EHD1: variants seen among roughly 807,000 people sequenced by gnomAD.
The protein encoded by EHD1 is EH domain-containing protein 1.
In EHD1, 19 loss-of-function variants were observed where a neutral mutation model predicts 39.0. The ratio of observed to expected loss-of-function variants is 0.49; its 90% confidence interval spans 0.34 to 0.72. The LOEUF (loss-of-function observed/expected upper bound fraction) is 0.72. Among genes scored for constraint, EHD1 ranks in the 30% least tolerant of loss-of-function variants. The pLI is 0.01. For synonymous variants in EHD1, 323 were observed against 331.2 expected, an observed-to-expected ratio of 0.98 and a Z score of 0.27; for missense variants, 542 against 751.5, an observed-to-expected ratio of 0.72 and a Z score of 3.26.
intron 2 of EHD1, among the ~76,000 whole-genome samples, chr11:64,867,808 G>T (rs994747635): frequency 6.6e-6 from 1 of 152,238 alleles, no homozygotes; most frequent in African/African-American, 2.4e-5. Flanking sequence ...AAGTGAAAAC[G>T]AAAAGTCCTG....
chr11:64,878,672 G>C, upstream of EHD1: 2 of 1,359,116 alleles, frequency 1.5e-6, no homozygotes, highest in Non-Finnish European at 1.9e-6. Context: ...CCTCAGTGGC[G>C]GCTAGCGCCG....
In EHD1 at chr11:64,878,173, T is replaced by C; in HGVS notation, c.292A>G (p.Ile98Val). The C allele has an allele frequency of 6.2e-7, 1 of 1,606,568 alleles. No homozygotes were observed. The highest frequency in any genetic ancestry group is 8.5e-7 in the Non-Finnish European group (1 of 1,174,054). The stretch of plus-strand genomic sequence containing the variant: ...TCAGTGGGGCCGTGCATGACGGCGA[T>C]GAAGGAGTCGGTGGTGGGCTCGGGC... ...IGPEPTTDSF[I>V]AVMHGPTEGV... The change falls in exon 1 of 5, where the codon ATC becomes GTC. Residue 98 changes from isoleucine to valine, a missense_variant. Coordinates refer to ENST00000320631, the MANE Select transcript of EHD1 (RefSeq NM_006795.4).
chr11:64,860,465 T>G, intron 2 of EHD1, 129 bp from the exon 3 acceptor site: 1 of 1,298,742 alleles, frequency 7.7e-7, no homozygotes, highest in South Asian at 1.6e-5. Context: ...CCGGGCGTGG[T>G]GGCTCACGCC....
At chr11:64,866,860 A>T (rs545332051) in intron 2 of EHD1, among the ~76,000 whole-genome samples, 15 of 152,226 alleles carry the variant, frequency 9.9e-5, no homozygotes, top group African/African-American at 3.6e-4. Flanking sequence ...CAGATACGGC[A>T]CTGTAGGATT....
At chr11:64,876,792 G>A (rs1274227371) in intron 1 of EHD1, among the ~76,000 whole-genome samples, 2 of 152,254 alleles carry the variant, frequency 1.3e-5, no homozygotes, top group African/African-American at 4.8e-5. Flanking sequence ...GGAAAGTGAA[G>A]AGGACTCCGC....
Position 64,878,584 on chromosome 11 carries a change from G to A in EHD1, c.-120C>T. On this transcript the variant is annotated 5_prime_UTR_variant, in exon 1 of 5. Coordinates refer to ENST00000320631, the MANE Select transcript of EHD1 (RefSeq NM_006795.4). ...ATCGGGAGCGACCCACACTGCGCAG[G>A]CGCACAGCCCAGCCCGTCGAAGCGC... 6.9e-7 allele frequency: 1 copy of A among 1,442,948 alleles called. No homozygotes were observed. Among genetic ancestry groups the A allele is most frequent in the Non-Finnish European group, 9.1e-7 (1 of 1,103,812 alleles). 89.4% of individuals were successfully genotyped at this position (1,442,948 alleles called of 1,614,324 possible).
chr11:64,873,440 G>A (rs1391716928), intron 2 of EHD1, among the ~76,000 whole-genome samples: 1 of 152,160 alleles, frequency 6.6e-6, no homozygotes, highest in Non-Finnish European at 1.5e-5. Context: ...CCAGGGGCTT[G>A]TTCAGAGTCA....
chr11:64,855,053 C>A, intron 4 of EHD1, 196 bp from the exon 5 acceptor site: 1 of 847,732 alleles, frequency 1.2e-6, no homozygotes, highest in East Asian at 2.6e-5. Context: ...CCTTGCAGGG[C>A]TGCGGCAAGG....
intron 2 of EHD1, among the ~76,000 whole-genome samples, chr11:64,869,337 A>G (rs999820704): frequency 1.3e-5 from 2 of 152,236 alleles, no homozygotes; most frequent in Non-Finnish European, 2.9e-5. Context: ...GGGAGACCAC[A>G]GCCAGGTGGG....
At chr11:64,860,358 G>T (rs927587406) in intron 2 of EHD1, 22 bp from the exon 3 acceptor site, 6 of 1,594,392 alleles carry the variant, frequency 3.8e-6, no homozygotes, top group African/African-American at 1.3e-5. Flanking sequence ...AGAAGGGAGA[G>T]CTCAGGGGCG....
At chr11:64,879,120 C>T (rs1319985783), upstream of EHD1, 1 of 1,002,590 alleles carries the variant, frequency 1.0e-6, no homozygotes, top group Non-Finnish European at 1.2e-6. Context: ...AGCCCAGCTT[C>T]CCAGACACAC....
In EHD1 at chr11:64,866,603, C is replaced by T. The variant is rs538515931; in HGVS notation, c.503-6267G>A. ...CTGAGGTAAGAGGATTGTTTGGGCC[C>T]GGGAGGTGGAGGCTACAGTGAGCTG... On this transcript the variant is annotated intron_variant, in intron 2 of 4. Coordinates refer to ENST00000320631, the MANE Select transcript of EHD1 (RefSeq NM_006795.4). 5.9e-5 allele frequency among the ~76,000 whole-genome samples: 9 copies of T among 151,412 alleles called. No individual in the cohort carries two copies. The South Asian group carries it at 1.0e-3, about 18-fold the overall frequency.
chr11:64,858,530 G>T (rs77858389), intron 3 of EHD1, among the ~76,000 whole-genome samples: 2 of 152,206 alleles, frequency 1.3e-5, no homozygotes, highest in Non-Finnish European at 2.9e-5. Flanking sequence ...CTAAGAGCCT[G>T]AAAGAATAGC....
chr11:64,861,134 C>T (rs1311145785), intron 2 of EHD1, among the ~76,000 whole-genome samples: 2 of 150,988 alleles, frequency 1.3e-5, no homozygotes, highest in African/African-American at 2.4e-5. Flanking sequence ...TGCAGTGAGC[C>T]GAGATTGTGC....
intron 2 of EHD1, among the ~76,000 whole-genome samples, chr11:64,869,561 T>G (rs1195633046): frequency 1.3e-5 from 2 of 152,200 alleles, no homozygotes; most frequent in Admixed American, 1.3e-4. Context: ...GGCAAGAGCT[T>G]AACATGTAAA....
At chr11:64,859,856 TGAGTGCCAGTCTCA>T in intron 3 of EHD1, 54 bp downstream of exon 3, 1 of 1,539,250 alleles carries the variant, frequency 6.5e-7, no homozygotes, top group Non-Finnish European at 8.7e-7. Flanking sequence ...CCTGGGGCCC[TGAGTGCCAGTCTCA>T]GAGCCCCATG....
chr11:64,855,318 G>C lies in EHD1; in HGVS notation c.1080+4C>G, dbSNP rs755685613. ...GCCTGCATGGGGCCTCGGGACAGCC[G>C]TACCTGCATCTTGCGGAGGCTCGGG... On this transcript the variant is annotated splice_donor_region_variant and intron_variant, in intron 4 of 4. Coordinates refer to ENST00000320631, the MANE Select transcript of EHD1 (RefSeq NM_006795.4). The C allele has an allele frequency of 6.2e-7, 1 of 1,613,480 alleles. No homozygotes were observed. Among genetic ancestry groups the C allele is most frequent in the South Asian group, 1.1e-5 (1 of 91,074 alleles).
intron 2 of EHD1, among the ~76,000 whole-genome samples, 180 bp from the exon 3 acceptor site, chr11:64,860,516 C>T (rs966494582): frequency 8.5e-5 from 13 of 152,128 alleles, no homozygotes; most frequent in Non-Finnish European, 1.5e-4. Context: ...GGGAGGATCA[C>T]GAGGTCATGA....
rs891547596 is a variant in EHD1 at position 64,864,031 on chromosome 11, G to C, written c.503-3695C>G. Among the ~76,000 whole-genome samples the C allele has an allele frequency of 2.6e-5, 4 of 152,204 alleles. No individual in the cohort carries two copies. The South Asian group carries it at 8.3e-4, about 31-fold the overall frequency. On this transcript the variant is annotated intron_variant, in intron 2 of 4. Transcript: ENST00000320631. ...TCAAGGACTTTCATCCTTGAGCAAA[G>C]TCACCAAAATGTAAGGAAAATCCCA...
Sources: gnomAD v4.1 joint callset for allele counts (sites outside exome capture counted in the v4.1 genomes callset) on GRCh38, gnomAD v4.1.1 for gene constraint, MANE v1.5 for transcripts, NCBI Gene and HGNC (gene_info 2026-07-23, HGNC 2026-07-21) for gene names.